The following ZNF695 variants were observed in gnomAD, a reference collection of about 807,000 sequenced individuals.
The protein encoded by ZNF695 is zinc finger protein SBZF3.
ZNF695 carries 11 observed loss-of-function variants against 11.2 expected under a neutral mutation model. That is an observed-to-expected ratio of 0.98 (90% CI 0.62 to 1.62). ZNF695 has a LOEUF of 1.62. Ranked by LOEUF, ZNF695 falls within the 40% of genes most tolerant of loss-of-function variation. The probability of loss-of-function intolerance (pLI) is 0.00; values close to 1 mark genes in which losing one functional copy is unlikely to be tolerated. For missense variants in ZNF695, 559 were observed against 590.5 expected (o/e 0.95, Z 0.55); for synonymous variants, 190 against 201.4 (o/e 0.94, Z 0.48).
chr1:247,007,737 C>T (rs1199573563), intron 1 of ZNF695, among the ~76,000 whole-genome samples, 169 bp downstream of exon 1: 1 of 152,088 alleles, frequency 6.6e-6, no homozygotes, highest in African/African-American at 2.4e-5. Flanking sequence ...GCCCGGCCCC[C>T]ACCTGCGCGG....
At chr1:247,002,400 A>G (rs1020464129) in intron 1 of ZNF695, among the ~76,000 whole-genome samples, 1 of 152,234 alleles carries the variant, frequency 6.6e-6, no homozygotes, top group Non-Finnish European at 1.5e-5. Context: ...CCAGTTCAAA[A>G]AGTTAGAAAA....
At chr1:246,970,948 T>A (rs191270361) in intron 4 of ZNF695, among the ~76,000 whole-genome samples, 1 of 152,030 alleles carries the variant, frequency 6.6e-6, no homozygotes, top group Admixed American at 6.5e-5. Context: ...GGTCTGTGGG[T>A]TTTTCTCCTT....
intron 4 of ZNF695, among the ~76,000 whole-genome samples, chr1:246,976,001 A>G (rs948064635): frequency 1.3e-5 from 2 of 152,174 alleles, no homozygotes; most frequent in Non-Finnish European, 2.9e-5. Flanking sequence ...TCTCAAGGTT[A>G]AGAGAGAGAG....
At chr1:246,969,169 A>C (rs1008585498) in intron 4 of ZNF695, 1 of 152,192 alleles carries the variant, frequency 6.6e-6, no homozygotes, top group African/African-American at 2.4e-5. Context: ...TGTAAGTTCC[A>C]GTTTCAGATA....
At position 246,995,616 on chromosome 1, in the gene ZNF695, G is replaced by A. The variant is rs113352482; in HGVS notation, c.259+3732C>T. ...AGGCTGAGGTGGGTGGATCACCTGA[G>A]GTTATGAGTTAAAGACGAGCTTGGC... is the stretch of plus-strand genomic sequence containing the variant. On this transcript the variant is annotated intron_variant, in intron 3 of 3. Transcript: ENST00000339986. Among the ~76,000 whole-genome samples the A allele has an allele frequency of 5.5e-3, 829 of 152,026 alleles. 10 individuals carry two copies. The highest frequency in any genetic ancestry group is 0.018 in the African/African-American group (740 of 41,486).
rs775348368 is a variant in ZNF695, at chr1:246,999,944, T to C, written c.134A>G (p.Glu45Gly). 7 of 1,614,082 alleles carry C rather than the reference T, an allele frequency of 4.3e-6. No homozygotes were observed. The highest frequency in any genetic ancestry group is 5.9e-6 in the Non-Finnish European group (7 of 1,179,994). ...TAGGAATTGCATATTGAAGCTATCC[T>C]CACCAAGGGAGATCAGGTTTCTGTA... ...ENYRNLISLG[E>G]DSFNMQFLFH... Residue 45 changes from glutamate (E) to glycine (G), a missense_variant, in exon 2 of 4, where the codon GAG becomes GGG. Physicochemically the swap from Glu to Gly is moderately conservative, Grantham distance 98 (BLOSUM62 -2). Transcript: ENST00000339986.
chr1:246,979,278 T>C (rs866446258), intron 4 of ZNF695, among the ~76,000 whole-genome samples: 1 of 151,934 alleles, frequency 6.6e-6, no homozygotes, highest in East Asian at 1.9e-4. Flanking sequence ...GGGGATGACA[T>C]GGGGGAAGAT....
chr1:246,975,596 T>A (rs1303046197), intron 4 of ZNF695, among the ~76,000 whole-genome samples: 2 of 152,230 alleles, frequency 1.3e-5, no homozygotes, highest in Admixed American at 6.6e-5. Context: ...AGAACAGTTT[T>A]ACTAACATGC....
intron 3 of ZNF695, among the ~76,000 whole-genome samples, chr1:246,989,769 G>A (rs964747399): frequency 3.9e-5 from 6 of 152,160 alleles, no homozygotes; most frequent in Admixed American, 1.3e-4. Context: ...TGTAATCCCA[G>A]CTCTTTGGGA....
At chr1:246,967,586 A>T (rs1668320536) in intron 5 of ZNF695, 1 of 401,710 alleles carries the variant, frequency 2.5e-6, no homozygotes, top group Non-Finnish European at 5.0e-6. Context: ...GTTTCAGGGG[A>T]AGATCAGGAG....
chr1:246,987,389 C>A lies in ZNF695; in HGVS notation c.1126G>T (p.Gly376Cys). 1 of 1,613,136 alleles carries A rather than the reference C, an allele frequency of 6.2e-7. No homozygotes were observed. Among genetic ancestry groups the A allele is most frequent in the Non-Finnish European group, 8.5e-7 (1 of 1,179,644 alleles). ...TCCTCACATTTGTATGGTTTCTCAC[C>A]AGTATGAATTCTCCTATGTTCAGTC... ...HLTEHRRIHT[G>C]EKPYKCEECG... The change falls in exon 4 of 4, where the codon GGT becomes TGT. Residue 376 changes from glycine to cysteine, a missense_variant. By Grantham distance (159) the Gly-to-Cys change is radical. Coordinates refer to ENST00000339986, the MANE Select transcript of ZNF695 (RefSeq NM_020394.5).
chr1:246,952,923 T>C (rs755746235), intron 5 of ZNF695, among the ~76,000 whole-genome samples: 1 of 149,004 alleles, frequency 6.7e-6, no homozygotes, highest in Non-Finnish European at 1.5e-5. Context: ...CTTATCTGTA[T>C]AAATTTTGTT....
chr1:246,965,556 G>C (rs939812698), intron 5 of ZNF695, among the ~76,000 whole-genome samples: 3 of 151,866 alleles, frequency 2.0e-5, no homozygotes, highest in African/African-American at 7.3e-5. Flanking sequence ...GGCCAACACG[G>C]CAAAACCCTG....
At chr1:246,984,167 AAAAG>A (rs1558313686), downstream of ZNF695, among the ~76,000 whole-genome samples, 5 of 150,738 alleles carry the variant, frequency 3.3e-5, no homozygotes, top group Admixed American at 2.0e-4. Flanking sequence ...AAAAAAAAAA[AAAAG>A]AAGAAGAAAA....
At chr1:246,953,955 A>G (rs2103000087) in intron 5 of ZNF695, among the ~76,000 whole-genome samples, 1 of 151,826 alleles carries the variant, frequency 6.6e-6, no homozygotes, top group Admixed American at 6.6e-5. Flanking sequence ...AAAAAAAAAA[A>G]AAAAAAGAAA....
At chr1:246,990,301 A>C (rs961729517) in intron 3 of ZNF695, among the ~76,000 whole-genome samples, 1 of 152,332 alleles carries the variant, frequency 6.6e-6, no homozygotes, top group South Asian at 2.1e-4. Context: ...AACAAACAAA[A>C]AAGAGCAGGA....
At chr1:246,963,232 G>A (rs1301086273) in intron 5 of ZNF695, among the ~76,000 whole-genome samples, 3 of 152,168 alleles carry the variant, frequency 2.0e-5, no homozygotes, top group East Asian at 3.9e-4. Context: ...TTCATGACAC[G>A]TTTACTAAAG....
At chr1:246,963,752 C>A (rs1201246002) in intron 5 of ZNF695, among the ~76,000 whole-genome samples, 2 of 152,188 alleles carry the variant, frequency 1.3e-5, no homozygotes, top group African/African-American at 4.8e-5. Flanking sequence ...CCCACACCGA[C>A]CAATTCTCCA....
intron 3 of ZNF695, among the ~76,000 whole-genome samples, chr1:246,995,523 A>G (rs1209702034): frequency 6.6e-6 from 1 of 152,196 alleles, no homozygotes; most frequent in East Asian, 1.9e-4. Context: ...CAGGTATCAT[A>G]CTTTCTGATT....
Sources: gnomAD v4.1 joint callset for allele counts (sites outside exome capture counted in the v4.1 genomes callset) on GRCh38, gnomAD v4.1.1 for gene constraint, MANE v1.5 for transcripts, NCBI Gene and HGNC (gene_info 2026-07-23, HGNC 2026-07-21) for gene names.